Variants in SMARCA4 observed in about 807,000 individuals in gnomAD.
SMARCA4 encodes SWI/SNF related BAF chromatin remodeling complex subunit ATPase 4, also known as SWI/SNF-related matrix-associated actin-dependent regulator of chromatin subfamily A member 4.
SMARCA4 carries 31 observed loss-of-function variants against 193.9 expected under a neutral mutation model. That is an observed-to-expected ratio of 0.16 (90% confidence interval 0.12 to 0.22). The LOEUF is 0.22. Ranked by LOEUF, SMARCA4 falls within the 10% of genes least tolerant of loss-of-function variation. The pLI is 1.00. For synonymous variants in SMARCA4, 942 were observed against 933.1 expected (o/e 1.01, Z -0.17); for missense variants, 1,148 against 2,296.0 (o/e 0.50, Z 10.22).
chr19:10,995,965 G>T, intron 9 of SMARCA4: 2 of 582,496 alleles, frequency 3.4e-6, no homozygotes, highest in Non-Finnish European at 3.2e-6. Context: ...GGTAGGACTG[G>T]CTCATGGCCT....
rs2075136128 is a variant in SMARCA4, at chr19:11,034,424, A to G, written c.3951+224A>G. Among the ~76,000 whole-genome samples, 1 of 152,014 alleles carries G rather than the reference A, an allele frequency of 6.6e-6. No homozygotes were observed. The highest frequency in any genetic ancestry group is 1.5e-5 in the Non-Finnish European group (1 of 67,970). On this transcript the variant is annotated intron_variant, in intron 28 of 34. Transcript: ENST00000344626. The surrounding 1 kb of genome is among the most constrained non-coding windows in gnomAD (Gnocchi z 7.0). ...ATGCACACCCAGCCTTCTGCATGTG[A>G]CCCGAGACCTGCCCCACCAGCTCTG...
chr19:11,028,383 T>G (rs915777192), intron 24 of SMARCA4, among the ~76,000 whole-genome samples: 1 of 152,248 alleles, frequency 6.6e-6, no homozygotes, highest in African/African-American at 2.4e-5. Flanking sequence ...TTGCTCTGCC[T>G]TCTTCCATCT....
At chr19:10,995,871 G>A in intron 9 of SMARCA4, 2 of 401,760 alleles carry the variant, frequency 5.0e-6, no homozygotes, top group South Asian at 4.1e-5. Flanking sequence ...GTGGGGGGCT[G>A]CTGTAGGAGG....
At chr19:11,006,920 A>C (rs1891368282) in intron 13 of SMARCA4, among the ~76,000 whole-genome samples, 1 of 151,786 alleles carries the variant, frequency 6.6e-6, no homozygotes, top group African/African-American at 2.4e-5. Context: ...CCCTGTCTCT[A>C]CCAAAAATGC....
chr19:11,024,488 G>T, intron 21 of SMARCA4, 50 bp downstream of exon 21: 1 of 1,175,802 alleles, frequency 8.5e-7, no homozygotes. Context: ...GTCCAAGGCC[G>T]GCAGCGTGGC....
intron 16 of SMARCA4, among the ~76,000 whole-genome samples, chr19:11,014,188 C>T (rs1420444091): frequency 6.6e-6 from 1 of 152,186 alleles, no homozygotes; most frequent in African/African-American, 2.4e-5. Context: ...CAGCAGCGGA[C>T]CCCCAACTCC....
chr19:10,968,705 G>A (rs762651251), intron 1 of SMARCA4, among the ~76,000 whole-genome samples: 3 of 152,170 alleles, frequency 2.0e-5, no homozygotes, highest in Non-Finnish European at 4.4e-5. Flanking sequence ...AGTGGCTCAG[G>A]AAGCAGGTGG....
chr19:11,013,200 A>G, intron 16 of SMARCA4, 88 bp downstream of exon 16: 1 of 1,433,350 alleles, frequency 7.0e-7, no homozygotes, highest in Non-Finnish European at 9.7e-7. Flanking sequence ...AATACCACAA[A>G]CGAGGTGGCT....
At chr19:10,973,109 C>CA (rs147266435) in intron 1 of SMARCA4, among the ~76,000 whole-genome samples, 3,569 of 92,070 alleles carry the variant, frequency 0.039, 102 homozygotes, top group Admixed American at 0.098. Context: ...AGTCCATCTA[C>CA]AAAAAAAAAA....
chr19:10,990,222 C>T (rs1328575708), intron 7 of SMARCA4, among the ~76,000 whole-genome samples: 1 of 152,124 alleles, frequency 6.6e-6, no homozygotes, highest in Non-Finnish European at 1.5e-5. Flanking sequence ...GGTGCCATCT[C>T]ACCCCACTGT....
intron 1 of SMARCA4, among the ~76,000 whole-genome samples, chr19:10,969,867 C>T (rs924485891): frequency 8.5e-5 from 13 of 152,114 alleles, no homozygotes; most frequent in African/African-American, 2.4e-4. Flanking sequence ...GTGCCACTCC[C>T]GTGCCTGGAA....
chr19:10,993,403 C>T (rs1347483549), intron 8 of SMARCA4, among the ~76,000 whole-genome samples: 1 of 152,230 alleles, frequency 6.6e-6, no homozygotes, highest in Non-Finnish European at 1.5e-5. Flanking sequence ...TGAGGACATG[C>T]AGCATGTTTC....
intron 13 of SMARCA4, among the ~76,000 whole-genome samples, 181 bp downstream of exon 13, chr19:11,003,578 G>A (rs1183908108): frequency 6.6e-6 from 1 of 152,134 alleles, no homozygotes; most frequent in Non-Finnish European, 1.5e-5. Context: ...AGCTTCTGGC[G>A]ACATGTGACC....
intron 1 of SMARCA4, among the ~76,000 whole-genome samples, chr19:10,976,250 CT>C (rs1300990565): frequency 1.3e-5 from 2 of 152,164 alleles, no homozygotes; most frequent in African/African-American, 4.8e-5. Context: ...CCTTAGACAC[CT>C]TTCCTGGCCG....
In SMARCA4 at chr19:10,987,777, C is replaced by T. The variant is rs2145817884; in HGVS notation, c.971C>T (p.Pro324Leu). The change falls in exon 6 of 35, where the codon CCC (proline) becomes CTC (leucine). Residue 324 changes from proline to leucine, a missense_variant. Pro to Leu is a moderately conservative substitution (Grantham distance 98). Around this residue, in one of 17 missense-constraint regions of SMARCA4, gnomAD observed 257 missense variants for 276.5 expected, o/e 0.93. Coordinates refer to ENST00000344626, the MANE Select transcript of SMARCA4 (RefSeq NM_003072.5). This position sits in a 1 kb window ranked among gnomAD's most constrained non-coding sequence, Gnocchi z 5.3. ...CCTGCCGTCCCACCCGCCGCCTCGC[C>T]CGTGATGCCACCGCAGACCCAGTCC... ...APPAVPPAAS[P>L]VMPPQTQSPG... 1 of 1,600,094 alleles carries T rather than the reference C, an allele frequency of 6.2e-7. No individual in the cohort carries two copies. Among genetic ancestry groups the T allele is most frequent in the Non-Finnish European group, 8.5e-7 (1 of 1,173,978 alleles).
Position 11,024,423 on chromosome 19 carries a change from C to T in SMARCA4, c.3066C>T (p.Ser1022=), listed in dbSNP as rs149111403. The T allele has an allele frequency of 2.1e-4, 337 of 1,611,442 alleles. 2 individuals carry two copies. The South Asian group carries it at 3.1e-3, about 15-fold the overall frequency. Residue 1022 remains serine (S), a synonymous_variant, in exon 21 of 35, where the codon TCC becomes TCT. Transcript: ENST00000344626. ...AGGGCGTGCTGCTGACTGATGGCTC[C>T]GAGAAGGACAAGAAGGTGGGCCCCA... ...QAKGVLLTDG[S]EKDKKGKGGT... is the part of the protein sequence containing the mutation.
At chr19:10,972,643 G>C (rs1021878845) in intron 1 of SMARCA4, among the ~76,000 whole-genome samples, 1 of 152,170 alleles carries the variant, frequency 6.6e-6, no homozygotes, top group African/African-American at 2.4e-5. Context: ...GGCAGGTATG[G>C]ATTCTGCATC....
At chr19:11,042,923 C>T (rs968556393) in intron 30 of SMARCA4, among the ~76,000 whole-genome samples, 1 of 152,128 alleles carries the variant, frequency 6.6e-6, no homozygotes, top group Non-Finnish European at 1.5e-5. Context: ...TGCTGTGGAC[C>T]AAGATTGCAC....
Position 11,034,021 on chromosome 19 carries a change from G to A in SMARCA4, c.3874-102G>A. 1.1e-6 allele frequency: 1 copy of A among 882,572 alleles called. No homozygotes were observed. The highest frequency in any genetic ancestry group is 1.6e-5 in the African/African-American group (1 of 61,246). The allele number at this position is 882,572 out of a possible 1,614,324, so 54.7% of individuals were successfully genotyped here. A position where few individuals can be genotyped will look rare whatever the true frequency, so the allele number is the denominator to read the frequency against. On this transcript the variant is annotated intron_variant, in intron 27 of 34. Coordinates refer to ENST00000344626, the MANE Select transcript of SMARCA4 (RefSeq NM_003072.5). This position sits in a 1 kb window ranked among gnomAD's most constrained non-coding sequence, Gnocchi z 7.0. The stretch of plus-strand genomic sequence containing the variant: ...TCCCCATCCACCGCAGCCGTGCCGG[G>A]ACCACCAGCTCATTCCCACGGACGC...
Sources: gnomAD v4.1 joint callset for allele counts (sites outside exome capture counted in the v4.1 genomes callset) on GRCh38, gnomAD v4.1.1 for gene constraint, gnomAD v4.1.1 regional missense constraint, Gnocchi (gnomAD v3.1) non-coding constraint, MANE v1.5 for transcripts, NCBI Gene and HGNC (gene_info 2026-07-23, HGNC 2026-07-21) for gene names.